The following SNTB2 variants were observed in gnomAD, a reference collection of about 807,000 sequenced individuals.
SNTB2 encodes the protein syntrophin beta 2, also known as beta-2-syntrophin.
In SNTB2, 34 loss-of-function variants were observed where a neutral mutation model predicts 46.2. That is an observed-to-expected ratio of 0.74 (90% CI 0.56 to 0.98). SNTB2 has a LOEUF of 0.98. Among genes scored for constraint, SNTB2 ranks in the 50% least tolerant of loss-of-function variants. SNTB2 has a pLI of 0.00. For synonymous variants in SNTB2, 290 were observed against 312.6 expected, an observed-to-expected ratio of 0.93 and a Z score of 0.76; for missense variants, 603 against 731.4, an observed-to-expected ratio of 0.82 and a Z score of 2.02.
At chr16:69,232,861 C>T (rs976528678) in intron 1 of SNTB2, among the ~76,000 whole-genome samples, 6 of 152,112 alleles carry the variant, frequency 3.9e-5, no homozygotes, top group African/African-American at 1.2e-4. Context: ...GGACAAATTT[C>T]AGAGCTACCT....
At chr16:69,218,484 C>G (rs995483161) in intron 1 of SNTB2, among the ~76,000 whole-genome samples, 2 of 151,272 alleles carry the variant, frequency 1.3e-5, no homozygotes, top group Admixed American at 1.3e-4. Context: ...TGCAGTGGCA[C>G]GATCTCGGCT....
At chr16:69,261,523 TTATAA>T (rs1161373795) in intron 3 of SNTB2, among the ~76,000 whole-genome samples, 1 of 152,124 alleles carries the variant, frequency 6.6e-6, no homozygotes, top group African/African-American at 2.4e-5. Context: ...TCAAATAAAA[TTATAA>T]TAAATGAGAA....
chr16:69,300,999 G>T lies in SNTB2; in HGVS notation c.*75G>T. 1.1e-6 allele frequency: 1 copy of T among 932,774 alleles called. No individual in the cohort carries two copies. Among genetic ancestry groups the T allele is most frequent in the Non-Finnish European group, 1.7e-6 (1 of 593,268 alleles). 57.8% of individuals were successfully genotyped at this position (932,774 alleles called of 1,614,324 possible). A position where few individuals can be genotyped will look rare whatever the true frequency, so the allele number is the denominator to read the frequency against. ...CCTCAAAAAAAAAAAAGCACAAAAA[G>T]AAACTCTTTGCTCTCCTTCAGCACA... On this transcript the variant is annotated 3_prime_UTR_variant, in exon 7 of 7. Coordinates refer to ENST00000336278, the MANE Select transcript of SNTB2 (RefSeq NM_006750.4).
Position 69,299,642 on chromosome 16 carries a change from G to T in SNTB2, c.1398G>T (p.Gly466=). Residue 466 remains glycine, a synonymous_variant, in exon 6 of 7, where the codon GGG becomes GGT. Coordinates refer to ENST00000336278, the MANE Select transcript of SNTB2 (RefSeq NM_006750.4). Reference sequence around the variant, plus strand: ...GGCTTACTATTCACTATGAAAATGGGTTCACCATCTCAAGGGAAAATGGAG... The same window carrying T: ...GGCTTACTATTCACTATGAAAATGGTTTCACCATCTCAAGGGAAAATGGAG... ...EVRLTIHYEN[G]FTISRENGGS... is the part of the protein sequence containing the mutation. The T allele has an allele frequency of 1.9e-6, 3 of 1,614,094 alleles. 1 individual carries two copies. The South Asian group carries it at 3.3e-5, about 18-fold the overall frequency.
At position 69,307,560 on chromosome 16, in the gene SNTB2, A is replaced by G. The variant is rs1965325620; in HGVS notation, c.*6636A>G. The G allele has an allele frequency of 6.6e-6, 1 of 152,180 alleles. No individual in the cohort carries two copies. Among genetic ancestry groups the G allele is most frequent in the Non-Finnish European group, 1.5e-5 (1 of 68,032 alleles). 9.4% of individuals were successfully genotyped at this position (152,180 alleles called of 1,614,324 possible). A position where few individuals can be genotyped will look rare whatever the true frequency, so the allele number is the denominator to read the frequency against. ...GCAAAACTAAATGCATATTTTATCA[A>G]CCCCTTATTTCTAATTGCTGTATTC... On this transcript the variant is annotated 3_prime_UTR_variant, in exon 7 of 7. Coordinates refer to ENST00000336278, the MANE Select transcript of SNTB2 (RefSeq NM_006750.4).
In SNTB2 at chr16:69,308,399, G is replaced by A. The variant is rs999866784; in HGVS notation, c.*7475G>A. 1.3e-5 allele frequency: 2 copies of A among 152,462 alleles called. No homozygotes were observed. Among genetic ancestry groups the A allele is most frequent in the African/African-American group, 4.8e-5 (2 of 41,394 alleles). The allele number at this position is 152,462 out of a possible 1,614,324, so 9.4% of individuals were successfully genotyped here. A position where few individuals can be genotyped will look rare whatever the true frequency, so the allele number is the denominator to read the frequency against. On this transcript the variant is annotated 3_prime_UTR_variant, in exon 7 of 7. Transcript: ENST00000336278. ...TCATTCTCGATGATATTCTCACTTT[G>A]TCGCAAATCTGCCCTTATCGTAAGA...
intron 2 of SNTB2, among the ~76,000 whole-genome samples, chr16:69,254,761 T>C (rs1472132175): frequency 6.6e-6 from 1 of 152,096 alleles, no homozygotes; most frequent in Non-Finnish European, 1.5e-5. Flanking sequence ...GAGGGTCACT[T>C]GAGCCCAGGA....
At chr16:69,278,563 C>A (rs886351386) in intron 4 of SNTB2, among the ~76,000 whole-genome samples, 1 of 150,902 alleles carries the variant, frequency 6.6e-6, no homozygotes, top group African/African-American at 2.4e-5. Flanking sequence ...TCAAGCGATT[C>A]TCCTGCCTCA....
At chr16:69,199,595 C>CAA (rs60011703) in intron 1 of SNTB2, among the ~76,000 whole-genome samples, 15 of 76,876 alleles carry the variant, frequency 2.0e-4, no homozygotes, top group East Asian at 7.0e-4. Context: ...AACACTGCCT[C>CAA]AAAAAAAAAA....
chr16:69,299,907 T>G, intron 6 of SNTB2, 133 bp downstream of exon 6: 1 of 979,810 alleles, frequency 1.0e-6, no homozygotes, highest in Non-Finnish European at 1.5e-6. Context: ...TAAAAAAAAT[T>G]TTTTTAAAGA....
chr16:69,292,380 T>TA (rs1965172684), intron 5 of SNTB2, among the ~76,000 whole-genome samples: 3 of 26,216 alleles, frequency 1.1e-4, no homozygotes, highest in African/African-American at 2.0e-4. Flanking sequence ...ATATATATAT[T>TA]ATATATATAT....
rs1280462807 is a variant in SNTB2 at position 69,296,591 on chromosome 16, A to G, written c.1346-2999A>G. Reference sequence around the variant, plus strand: ...CAAAAAATCAGCCAGGCCTGGTGGCACATGCCTGTAATCCCAGCTACTCGG... The same window carrying G: ...CAAAAAATCAGCCAGGCCTGGTGGCGCATGCCTGTAATCCCAGCTACTCGG... On this transcript the variant is annotated intron_variant, in intron 5 of 6. Coordinates refer to ENST00000336278, the MANE Select transcript of SNTB2 (RefSeq NM_006750.4). Among the ~76,000 whole-genome samples, 23 of 150,128 alleles carry G rather than the reference A, an allele frequency of 1.5e-4. No individual in the cohort carries two copies. In the South Asian group the frequency reaches 4.7e-3, roughly 31 times the overall value.
At chr16:69,278,889 A>AGT (rs71148981) in intron 4 of SNTB2, among the ~76,000 whole-genome samples, 27,843 of 140,762 alleles carry the variant, frequency 0.2, 2,597 homozygotes, top group Admixed American at 0.23. Context: ...AGGTGGGAAG[A>AGT]GTGTGTGTGT....
At chr16:69,230,622 A>G (rs1392619254) in intron 1 of SNTB2, among the ~76,000 whole-genome samples, 1 of 151,972 alleles carries the variant, frequency 6.6e-6, no homozygotes, top group Admixed American at 6.6e-5. Flanking sequence ...CAGCCTCCCA[A>G]AGTGCTGGGA....
chr16:69,259,668 A>G (rs1964816364), intron 2 of SNTB2, among the ~76,000 whole-genome samples: 2 of 134,444 alleles, frequency 1.5e-5, no homozygotes, highest in Admixed American at 8.4e-5. Flanking sequence ...CAGTGGTGTG[A>G]TCTTGGCTCA....
At chr16:69,262,016 C>T (rs1472681934) in intron 3 of SNTB2, among the ~76,000 whole-genome samples, 1 of 152,012 alleles carries the variant, frequency 6.6e-6, no homozygotes, top group African/African-American at 2.4e-5. Context: ...TGAGACCAAC[C>T]TGGGCAATAT....
chr16:69,207,551 T>C (rs907053536), intron 1 of SNTB2, among the ~76,000 whole-genome samples: 5 of 152,222 alleles, frequency 3.3e-5, no homozygotes, highest in Admixed American at 3.3e-4. Flanking sequence ...AAATTGACAT[T>C]GTCGAGATTC....
At chr16:69,204,299 T>C (rs1305880851) in intron 1 of SNTB2, among the ~76,000 whole-genome samples, 1 of 152,220 alleles carries the variant, frequency 6.6e-6, no homozygotes, top group African/African-American at 2.4e-5. Context: ...TGAACAGCAC[T>C]GCTGCTCAGC....
intron 2 of SNTB2, among the ~76,000 whole-genome samples, chr16:69,248,875 T>A (rs1472035282): frequency 1.3e-5 from 2 of 150,992 alleles, no homozygotes; most frequent in Non-Finnish European, 3.0e-5. Context: ...TGGGCTTTTT[T>A]TTTTTTTTTT....
Sources: allele counts gnomAD v4.1 joint callset (sites outside exome capture counted in the v4.1 genomes callset), GRCh38; gene constraint gnomAD v4.1.1; transcripts MANE v1.5; gene names NCBI Gene and HGNC (gene_info 2026-07-23, HGNC 2026-07-21).